ATAD5: variants seen among roughly 807,000 people sequenced by gnomAD.
ATAD5 encodes ATPase family AAA domain-containing protein 5.
ATAD5 carries 58 observed loss-of-function variants against 176.9 expected under a neutral mutation model. That is an observed-to-expected ratio of 0.33 (90% CI 0.27 to 0.41). The LOEUF is 0.41. ATAD5 is among the 10% of genes least tolerant of loss of function. The pLI, the probability that ATAD5 is intolerant of heterozygous loss-of-function variation, is 1.00. For synonymous variants in ATAD5, 640 were observed against 712.6 expected, an observed-to-expected ratio of 0.90 and a Z score of 1.62; for missense variants, 1,789 against 2,094.1, an observed-to-expected ratio of 0.85 and a Z score of 2.84.
At chr17:30,890,588 A>T (rs1909586847) in intron 19 of ATAD5, among the ~76,000 whole-genome samples, 2 of 150,848 alleles carry the variant, frequency 1.3e-5, no homozygotes, top group South Asian at 4.2e-4. Flanking sequence ...CACCCAGCTA[A>T]TTTTTTGCAT....
Position 30,834,689 on chromosome 17 carries a change from A to G in ATAD5, c.608A>G (p.Lys203Arg). 1 of 1,609,924 alleles carries G rather than the reference A, an allele frequency of 6.2e-7. No individual in the cohort carries two copies. Among genetic ancestry groups the G allele is most frequent in the Non-Finnish European group, 8.5e-7 (1 of 1,179,050 alleles). Residue 203 changes from lysine to arginine, a missense_variant, in exon 2 of 23, where the codon AAA becomes AGA. Physicochemically the swap from Lys to Arg is conservative, Grantham distance 26. Transcript: ENST00000321990. The part of the protein sequence containing the change: ...PKQGTTKNDF[K>R]KLRKRKCRDV... ...CAAGGGACCACAAAAAATGACTTCAAAAAGTTGAGAAAAAGGAAATGCAGA... is the reference window on the plus strand; with the variant it reads ...CAAGGGACCACAAAAAATGACTTCAGAAAGTTGAGAAAAAGGAAATGCAGA...
chr17:30,846,286 A>G lies in ATAD5; in HGVS notation c.2450+1370A>G, dbSNP rs78215244. On this transcript the variant is annotated intron_variant, in intron 6 of 22. Coordinates refer to ENST00000321990, the MANE Select transcript of ATAD5 (RefSeq NM_024857.5). ...TTATTTTGTGTCTGGCTGCTTTTGC[A>G]TAGTATACACGCCCACAAACAAATG... Among the ~76,000 whole-genome samples, 978 of 152,292 alleles carry G rather than the reference A, an allele frequency of 6.4e-3. 10 individuals carry two copies. The highest frequency in any genetic ancestry group is 0.023 in the African/African-American group (942 of 41,576).
chr17:30,863,370 A>T (rs1433860674), intron 10 of ATAD5, among the ~76,000 whole-genome samples: 52 of 142,836 alleles, frequency 3.6e-4, no homozygotes, highest in African/African-American at 1.3e-3. Flanking sequence ...TACTTTATGT[A>T]TTTTTTTTTT....
chr17:30,843,210 G>T (rs1411157637), intron 4 of ATAD5, among the ~76,000 whole-genome samples: 1 of 151,908 alleles, frequency 6.6e-6, no homozygotes, highest in Non-Finnish European at 1.5e-5. Flanking sequence ...AAATTAGCCA[G>T]GTGTGGTGGT....
At position 30,856,955 on chromosome 17, in the gene ATAD5, G is replaced by T; in HGVS notation, c.2636G>T (p.Gly879Val). Reference protein sequence around the residue: ...RVVHVQQKDDGCCLWHLKPPS... With the variant: ...RVVHVQQKDDVCCLWHLKPPS... ...AAGATATTTGTCTATTTTTCTTTAG[G>T]GTGTTGTTTGTGGCATTTGAAACCA... The change falls in exon 8 of 23, where the codon GGG becomes GTG. Residue 879 changes from glycine to valine, a missense_variant and splice_region_variant. Physicochemically the swap from Gly to Val is moderately radical, Grantham distance 109. Around this residue, in one of 6 missense-constraint regions of ATAD5, gnomAD observed 487 missense variants for 573.6 expected, o/e 0.85. Coordinates refer to ENST00000321990, the MANE Select transcript of ATAD5 (RefSeq NM_024857.5). 1 of 1,571,884 alleles carries T rather than the reference G, an allele frequency of 6.4e-7. No individual in the cohort carries two copies. Among genetic ancestry groups the T allele is most frequent in the South Asian group, 1.2e-5 (1 of 83,540 alleles).
At chr17:30,892,950 G>C (rs926430314) in intron 20 of ATAD5, among the ~76,000 whole-genome samples, 162 bp downstream of exon 20, 1 of 152,074 alleles carries the variant, frequency 6.6e-6, no homozygotes, top group Non-Finnish European at 1.5e-5. Context: ...TTGACAAATG[G>C]TGCATAGGCA....
chr17:30,894,197 A>T (rs1413033763), intron 21 of ATAD5, 47 bp downstream of exon 21: 2 of 1,427,876 alleles, frequency 1.4e-6, no homozygotes, highest in South Asian at 2.9e-5. Flanking sequence ...ATAAATCGTA[A>T]AGGGGAAATC....
chr17:30,878,738 T>G (rs1219691323), intron 17 of ATAD5, among the ~76,000 whole-genome samples: 3 of 125,040 alleles, frequency 2.4e-5, no homozygotes, highest in African/African-American at 9.0e-5. Context: ...TTTTTTTTTT[T>G]TTTTTTTTTT....
intron 3 of ATAD5, among the ~76,000 whole-genome samples, chr17:30,838,399 A>G (rs748399872): frequency 1.3e-5 from 2 of 152,226 alleles, no homozygotes; most frequent in African/African-American, 2.4e-5. Context: ...CATTCTAGGC[A>G]GTGTGCTTAG....
chr17:30,842,831 C>A (rs1486631842), intron 4 of ATAD5, among the ~76,000 whole-genome samples: 1 of 152,136 alleles, frequency 6.6e-6, no homozygotes, highest in Non-Finnish European at 1.5e-5. Flanking sequence ...GAAACCTCCA[C>A]TTCCTGGGTT....
Position 30,835,734 on chromosome 17 carries a change from G to T in ATAD5, c.1653G>T (p.Lys551Asn). Reference sequence around the variant, plus strand: ...ATATAGCAAATGATGACCTTCTAAAGGTTTCCTCTCTGTGTAACAATAATA... The same window carrying T: ...ATATAGCAAATGATGACCTTCTAAATGTTTCCTCTCTGTGTAACAATAATA... The part of the protein sequence containing the change: ...YEDIANDDLL[K>N]VSSLCNNNKL... The change falls in exon 2 of 23, where the codon AAG becomes AAT. Residue 551 changes from lysine (K) to asparagine (N), a missense_variant. Physicochemically the swap from Lys to Asn is moderately conservative, Grantham distance 94 (BLOSUM62 0). Around this residue, in one of 6 missense-constraint regions of ATAD5, gnomAD observed 696 missense variants for 712.5 expected, o/e 0.98. Transcript: ENST00000321990. 2 of 1,612,962 alleles carry T rather than the reference G, an allele frequency of 1.2e-6. No homozygotes were observed. Among genetic ancestry groups the T allele is most frequent in the Non-Finnish European group, 1.7e-6 (2 of 1,179,684 alleles).
In ATAD5 at chr17:30,831,977, G is replaced by C. The variant is rs930749700; in HGVS notation, c.-371G>C. 3 of 313,772 alleles carry C rather than the reference G, an allele frequency of 9.6e-6. No homozygotes were observed. The highest frequency in any genetic ancestry group is 5.0e-5 in the Admixed American group (1 of 19,906). The allele number at this position is 313,772 out of a possible 1,614,324, so 19.4% of individuals were successfully genotyped here. On this transcript the variant is annotated 5_prime_UTR_variant, in exon 1 of 23. Transcript: ENST00000321990. ...AAACTCCGCCCCTTGCGCGCAGGAC[G>C]GCGCGAAAACCCAATTGACAAGAAT...
chr17:30,876,873 C>T lies in ATAD5; in HGVS notation c.3784+323C>T, dbSNP rs1246657141. Among the ~76,000 whole-genome samples the T allele has an allele frequency of 2.0e-5, 3 of 151,710 alleles. No individual in the cohort carries two copies. The East Asian group carries it at 5.8e-4, about 29-fold the overall frequency. On this transcript the variant is annotated intron_variant, in intron 15 of 22. Coordinates refer to ENST00000321990, the MANE Select transcript of ATAD5 (RefSeq NM_024857.5). ...CTGGGATTACTGGTGCACACCACCA[C>T]TCCCAGCTAATTTTTGTATTTTTAG...
At chr17:30,842,485 G>T (rs2142320710) in intron 4 of ATAD5, among the ~76,000 whole-genome samples, 1 of 152,082 alleles carries the variant, frequency 6.6e-6, no homozygotes, top group South Asian at 2.1e-4. Context: ...CCTACATTCA[G>T]ATGTAACATT....
At chr17:30,880,887 A>G (rs1908972062) in intron 18 of ATAD5, among the ~76,000 whole-genome samples, 1 of 152,094 alleles carries the variant, frequency 6.6e-6, no homozygotes, top group Non-Finnish European at 1.5e-5. Context: ...TGTAAAAATC[A>G]GTGTCATCAT....
At chr17:30,892,559 A>T (rs1294661084) in intron 19 of ATAD5, 48 bp from the exon 20 acceptor site, 4 of 1,309,368 alleles carry the variant, frequency 3.1e-6, no homozygotes, top group African/African-American at 1.5e-5. Context: ...TGTTTGATAC[A>T]ATTTGTTTAA....
Position 30,834,251 on chromosome 17 carries a change from C to G in ATAD5, c.170C>G (p.Pro57Arg). ...GKTRDRVFAP[P>R]KPSNILDYFR... is the part of the protein sequence containing the mutation. ...ACTAGAGACAGGGTTTTTGCTCCAC[C>G]AAAACCTAGTAATATTCTGGATTAT... The change falls in exon 2 of 23, where the codon CCA becomes CGA. Residue 57 changes from proline to arginine, a missense_variant. This residue lies in a region of ATAD5 where 696 missense variants were observed against 712.5 expected (regional missense o/e 0.98). Coordinates refer to ENST00000321990, the MANE Select transcript of ATAD5 (RefSeq NM_024857.5). 6 of 1,612,920 alleles carry G rather than the reference C, an allele frequency of 3.7e-6. No individual in the cohort carries two copies. Among genetic ancestry groups the G allele is most frequent in the Non-Finnish European group, 3.4e-6 (4 of 1,179,478 alleles).
intron 5 of ATAD5, 148 bp from the exon 6 acceptor site, chr17:30,844,687 G>A: frequency 1.7e-6 from 1 of 577,332 alleles, no homozygotes; most frequent in Non-Finnish European, 2.9e-6. Context: ...GGTGGAGGTT[G>A]CAGTGAGCCA....
At chr17:30,834,003 T>C (rs972971777) in intron 1 of ATAD5, 145 bp from the exon 2 acceptor site, 7 of 705,612 alleles carry the variant, frequency 9.9e-6, no homozygotes, top group Non-Finnish European at 8.4e-6. Context: ...TAAAGCCTAT[T>C]TTCTTTCTAA....
Sources: allele counts gnomAD v4.1 joint callset (sites outside exome capture counted in the v4.1 genomes callset), GRCh38; gene constraint gnomAD v4.1.1; regional missense constraint gnomAD v4.1.1; transcripts MANE v1.5; gene names NCBI Gene and HGNC (gene_info 2026-07-23, HGNC 2026-07-21).